Variants in CAPN3 observed in about 807,000 individuals in gnomAD.
CAPN3 encodes calpain-3.
Under a neutral mutation model 114.0 loss-of-function variants are expected in CAPN3, and 88 were observed. That is an observed-to-expected ratio of 0.77 (90% CI 0.65 to 0.92). The LOEUF (loss-of-function observed/expected upper bound fraction) is 0.92. Ranked by LOEUF, CAPN3 falls within the 40% of genes least tolerant of loss-of-function variation. The probability of loss-of-function intolerance (pLI) is 0.00; values close to 1 mark genes in which losing one functional copy is unlikely to be tolerated. For missense variants in CAPN3, 1,028 were observed against 1,069.0 expected (o/e 0.96, Z 0.53); for synonymous variants, 386 against 382.9 (o/e 1.01, Z -0.09).
chr15:42,400,715 T>C (rs1290353602), intron 10 of CAPN3, among the ~76,000 whole-genome samples: 2 of 151,426 alleles, frequency 1.3e-5, no homozygotes, highest in African/African-American at 2.4e-5. Context: ...GAGAAAAATA[T>C]CAGCGTGTTG....
intron 11 of CAPN3, 101 bp from the exon 12 acceptor site, chr15:42,402,023 G>A (rs949810256): frequency 2.0e-6 from 3 of 1,498,506 alleles, no homozygotes; most frequent in Non-Finnish European, 2.8e-6. Context: ...GTGCCTGGGG[G>A]TCAGGCTTCC....
intron 6 of CAPN3, among the ~76,000 whole-genome samples, 181 bp from the exon 7 acceptor site, chr15:42,392,458 T>C (rs956319240): frequency 5.9e-5 from 9 of 152,202 alleles, no homozygotes; most frequent in African/African-American, 2.2e-4. Context: ...TGGAGCTGTG[T>C]CTCTTGGCAC....
intron 1 of CAPN3, among the ~76,000 whole-genome samples, chr15:42,366,293 C>T (rs1371475643): frequency 2.0e-5 from 3 of 152,180 alleles, no homozygotes; most frequent in African/African-American, 4.8e-5. Context: ...TTCTTTCTTC[C>T]GTGCTGTCTA....
intron 15 of CAPN3, among the ~76,000 whole-genome samples, chr15:42,407,781 ATGG>A (rs2054066208): frequency 6.6e-6 from 1 of 152,166 alleles, no homozygotes; most frequent in Non-Finnish European, 1.5e-5. Context: ...AGTAGCTGCC[ATGG>A]TGATGTGGGG....
At position 42,379,588 on chromosome 15, in the gene CAPN3, A is replaced by G. The variant is rs115838399; in HGVS notation, c.310-4895A>G. Among the ~76,000 whole-genome samples the G allele has an allele frequency of 8.1e-3, 1,225 of 151,864 alleles. 14 individuals are homozygous for G. Among genetic ancestry groups the G allele is most frequent in the African/African-American group, 0.028 (1,171 of 41,384 alleles). ...GTCTATTTCTCCTTTCAGTTCTATC[A>G]CTCTTTGCCTCATGTATTTTGACAC... On this transcript the variant is annotated intron_variant, in intron 1 of 23. Transcript: ENST00000397163.
intron 1 of CAPN3, among the ~76,000 whole-genome samples, chr15:42,360,609 G>C (rs188781399): frequency 1.3e-5 from 2 of 152,302 alleles, no homozygotes; most frequent in Admixed American, 1.3e-4. Flanking sequence ...AGAAAGAGAA[G>C]AGTCATAGGC....
rs2052584431 is a variant in CAPN3 at position 42,359,559 on chromosome 15, A to G, written c.-247A>G. Reference sequence around the variant, plus strand: ...GCTGGTAGGAGACCCCCAAGTCAACATTGCTTCAGAAATCCTTTAGCACTC... The same window carrying G: ...GCTGGTAGGAGACCCCCAAGTCAACGTTGCTTCAGAAATCCTTTAGCACTC... On this transcript the variant is annotated 5_prime_UTR_variant, in exon 1 of 24. Transcript: ENST00000397163. 1 of 1,369,858 alleles carries G rather than the reference A, an allele frequency of 7.3e-7. No homozygotes were observed. The highest frequency in any genetic ancestry group is 9.4e-7 in the Non-Finnish European group (1 of 1,061,488). 84.9% of individuals were successfully genotyped at this position (1,369,858 alleles called of 1,614,324 possible). A position where few individuals can be genotyped will look rare whatever the true frequency, so the allele number is the denominator to read the frequency against.
At chr15:42,374,115 G>C (rs558264216) in intron 1 of CAPN3, 1 of 152,448 alleles carries the variant, frequency 6.6e-6, no homozygotes, top group Admixed American at 6.6e-5. Flanking sequence ...CCTAGACCAC[G>C]GGCTCAGGGG....
intron 1 of CAPN3, among the ~76,000 whole-genome samples, chr15:42,364,067 GCCT>G (rs2052718811): frequency 6.6e-6 from 1 of 152,134 alleles, no homozygotes. Flanking sequence ...CATTTATTGG[GCCT>G]CCTCAAGACA....
chr15:42,408,735 T>C (rs542413227), intron 16 of CAPN3: 16 of 349,278 alleles, frequency 4.6e-5, no homozygotes, highest in African/African-American at 3.0e-4. Flanking sequence ...CCTCTAGAGC[T>C]CACGGGAGGG....
chr15:42,386,397 C>A, intron 3 of CAPN3, 112 bp downstream of exon 3: 3 of 800,198 alleles, frequency 3.7e-6, no homozygotes, highest in Admixed American at 1.7e-5. Context: ...CTACCCGCAG[C>A]GGCAACAGTC....
Position 42,409,813 on chromosome 15 carries a change from CAAG to C in CAPN3, c.2023_2025del (p.Lys675del), listed in dbSNP as rs2054148979. ...ACATGGAGATCTGTGCAGATGAGCT[CAAG>C]AAGGTCCTTAACACAGTCGTGAACA... On this transcript the variant is annotated inframe_deletion, in exon 18 of 24. Transcript: ENST00000397163. The C allele has an allele frequency of 1.3e-6, 2 of 1,570,870 alleles. No homozygotes were observed. Among genetic ancestry groups the C allele is most frequent in the Non-Finnish European group, 1.7e-6 (2 of 1,164,666 alleles).
At chr15:42,405,068 C>G in intron 14 of CAPN3, 2 of 965,458 alleles carry the variant, frequency 2.1e-6, no homozygotes, top group Non-Finnish European at 2.5e-6. Flanking sequence ...AATGTTGGGG[C>G]GTGGGGCAAT....
At chr15:42,386,602 G>T (rs977695115) in intron 3 of CAPN3, among the ~76,000 whole-genome samples, 9 of 152,258 alleles carry the variant, frequency 5.9e-5, no homozygotes, top group Middle Eastern at 6.8e-3. Flanking sequence ...AGGTCCCTAA[G>T]ATATTAGCAC....
At chr15:42,403,819 C>G (rs777485308) in intron 14 of CAPN3, 42 bp downstream of exon 14, 29 of 1,586,722 alleles carry the variant, frequency 1.8e-5, no homozygotes, top group African/African-American at 1.3e-5. Flanking sequence ...CCAGAGGGTC[C>G]CCTTCCCTGA....
Position 42,411,942 on chromosome 15 carries a change from C to T in CAPN3, c.*169C>T, listed in dbSNP as rs62022299. 1.3e-4 allele frequency: 206 copies of T among 1,539,592 alleles called. 1 individual carries two copies. The African/African-American group carries it at 1.4e-3, about 10-fold the overall frequency. On this transcript the variant is annotated 3_prime_UTR_variant, in exon 24 of 24. Coordinates refer to ENST00000397163, the MANE Select transcript of CAPN3 (RefSeq NM_000070.3). ...ATTTTACCCCCTACCCATCCTTGAT[C>T]GGTCATGCCTAGCCTGACCCTTTAG...
rs568666121 is a variant in CAPN3 at position 42,386,192 on chromosome 15, T to C, written c.405T>C (p.Ile135=). 1 of 1,613,998 alleles carries C rather than the reference T, an allele frequency of 6.2e-7. No homozygotes were observed. The highest frequency in any genetic ancestry group is 8.5e-7 in the Non-Finnish European group (1 of 1,179,876). Residue 135 remains isoleucine, a synonymous_variant, in exon 3 of 24, where the codon ATT becomes ATC. Transcript: ENST00000397163. The part of the protein sequence containing the change: ...ELGDCWFLAA[I]ACLTLNQHLL... Reference sequence around the variant, plus strand: ...GGGACTGCTGGTTTCTCGCAGCCATTGCCTGCCTGACCCTGAACCAGCACC... The same window carrying C: ...GGGACTGCTGGTTTCTCGCAGCCATCGCCTGCCTGACCCTGAACCAGCACC...
At chr15:42,408,389 A>T in intron 16 of CAPN3, 65 bp downstream of exon 16, 1 of 990,208 alleles carries the variant, frequency 1.0e-6, no homozygotes, top group South Asian at 1.3e-5. Context: ...TGCGCTTGGG[A>T]TACACAGGGG....
At chr15:42,388,566 C>T (rs965196961) in intron 4 of CAPN3, among the ~76,000 whole-genome samples, 9 of 152,150 alleles carry the variant, frequency 5.9e-5, no homozygotes, top group Admixed American at 5.9e-4. Context: ...CTTGGCCTCC[C>T]GAAGCGCTGG....
Sources: gnomAD v4.1 joint callset for allele counts (sites outside exome capture counted in the v4.1 genomes callset) on GRCh38, gnomAD v4.1.1 for gene constraint, MANE v1.5 for transcripts, NCBI Gene and HGNC (gene_info 2026-07-23, HGNC 2026-07-21) for gene names.